NAA16: variants seen among roughly 807,000 people sequenced by gnomAD.
NAA16 encodes the protein NARG1-like protein.
Under a neutral mutation model 110.3 loss-of-function variants are expected in NAA16, and 97 were observed. The ratio of observed to expected loss-of-function variants is 0.88; its 90% confidence interval spans 0.75 to 1.04. The LOEUF (loss-of-function observed/expected upper bound fraction) is 1.04, where lower values mean the gene tolerates loss of function less well. Ranked by LOEUF, NAA16 falls within the 50% of genes least tolerant of loss-of-function variation. The probability of loss-of-function intolerance (pLI) is 0.00; values close to 1 mark genes in which losing one functional copy is unlikely to be tolerated. For synonymous variants in NAA16, 372 were observed against 330.6 expected, an observed-to-expected ratio of 1.13 and a Z score of -1.36; for missense variants, 1,017 against 1,005.1, an observed-to-expected ratio of 1.01 and a Z score of -0.16.
At chr13:41,322,964 C>T in intron 4 of NAA16, 92 bp from the exon 5 acceptor site, 1 of 1,113,334 alleles carries the variant, frequency 9.0e-7, no homozygotes, top group East Asian at 2.4e-5. Flanking sequence ...TGATATAGTT[C>T]ATTAGAAATG....
chr13:41,336,395 T>C (rs1055077637), intron 8 of NAA16, among the ~76,000 whole-genome samples: 1 of 152,144 alleles, frequency 6.6e-6, no homozygotes, highest in Non-Finnish European at 1.5e-5. Flanking sequence ...TGCTGCAGAG[T>C]GCTTTATGCA....
intron 3 of NAA16, among the ~76,000 whole-genome samples, chr13:41,319,644 G>C (rs1438814118): frequency 6.6e-6 from 1 of 152,002 alleles, no homozygotes; most frequent in Non-Finnish European, 1.5e-5. Context: ...AGCCTCCCAG[G>C]TAGCTGGGAC....
chr13:41,312,104 T>C (rs902144288), intron 1 of NAA16, among the ~76,000 whole-genome samples: 3 of 152,330 alleles, frequency 2.0e-5, no homozygotes, highest in Non-Finnish European at 4.4e-5. Flanking sequence ...AACCGGCAAC[T>C]TTAGGAAGCC....
chr13:41,358,694 T>G, intron 11 of NAA16, 116 bp from the exon 12 acceptor site: 1 of 1,445,516 alleles, frequency 6.9e-7, no homozygotes, highest in Non-Finnish European at 9.1e-7. Flanking sequence ...GATTTCTAAA[T>G]AAATTTGACA....
At chr13:41,328,011 T>A (rs2042138483) in intron 6 of NAA16, 1 of 150,766 alleles carries the variant, frequency 6.6e-6, no homozygotes, top group Non-Finnish European at 1.5e-5. Flanking sequence ...TTGAAATAGA[T>A]TGTTTGGGGA....
rs763005875 is a variant in NAA16 at position 41,311,500 on chromosome 13, C to T, written c.-29C>T. 1.4e-5 allele frequency: 22 copies of T among 1,579,170 alleles called. No homozygotes were observed. The highest frequency in any genetic ancestry group is 1.6e-5 in the Non-Finnish European group (19 of 1,163,388). The stretch of plus-strand genomic sequence containing the variant: ...AGCGCCCGGGCACCTAGCCTCCCTG[C>T]CGGCCACCTAGCCTCCCTGCCGGCC... On this transcript the variant is annotated 5_prime_UTR_variant, in exon 1 of 20. Transcript: ENST00000379406.
chr13:41,343,009 A>C (rs2042593271), intron 9 of NAA16, among the ~76,000 whole-genome samples: 1 of 152,224 alleles, frequency 6.6e-6, no homozygotes, highest in South Asian at 2.1e-4. Context: ...AACAGAGGAA[A>C]GATCTTAAAA....
chr13:41,345,061 C>G (rs540402158), intron 9 of NAA16, among the ~76,000 whole-genome samples: 1 of 152,276 alleles, frequency 6.6e-6, no homozygotes, highest in Admixed American at 6.5e-5. Context: ...ACTTCATTCC[C>G]TTTTATGACC....
Position 41,323,049 on chromosome 13 carries a change from T to A in NAA16, c.403-7T>A. On this transcript the variant is annotated splice_region_variant and splice_polypyrimidine_tract_variant and intron_variant, in intron 4 of 19. Coordinates refer to ENST00000379406, the MANE Select transcript of NAA16 (RefSeq NM_024561.5). ...GAATATTTAGCAAGTTAAAACTTTT[T>A]TTTTAGGAGACAAGATACCAGCTTC... is the stretch of plus-strand genomic sequence containing the variant. 1 of 1,612,794 alleles carries A rather than the reference T, an allele frequency of 6.2e-7. No homozygotes were observed. Among genetic ancestry groups the A allele is most frequent in the Non-Finnish European group, 8.5e-7 (1 of 1,179,636 alleles).
intron 9 of NAA16, among the ~76,000 whole-genome samples, chr13:41,353,962 C>T (rs749628590): frequency 1.3e-4 from 20 of 152,102 alleles, no homozygotes; most frequent in Non-Finnish European, 2.5e-4. Context: ...AAAGAATGTA[C>T]CCATTTTCTA....
chr13:41,368,092 TTC>T (rs1342677943), intron 14 of NAA16, among the ~76,000 whole-genome samples: 1 of 152,202 alleles, frequency 6.6e-6, no homozygotes, highest in Non-Finnish European at 1.5e-5. Flanking sequence ...ACTAGTTTTT[TTC>T]TTTCTTTTTT....
chr13:41,359,330 A>G (rs1053624781), intron 12 of NAA16, among the ~76,000 whole-genome samples: 3 of 152,180 alleles, frequency 2.0e-5, no homozygotes, highest in Non-Finnish European at 4.4e-5. Flanking sequence ...TAACTTGCTC[A>G]TAGAGTTCTT....
intron 2 of NAA16, 96 bp from the exon 3 acceptor site, chr13:41,318,710 A>G: frequency 2.0e-6 from 1 of 489,772 alleles, no homozygotes; most frequent in Non-Finnish European, 3.3e-6. Flanking sequence ...TTGGAGCCAT[A>G]GTAATCCTTC....
intron 9 of NAA16, among the ~76,000 whole-genome samples, chr13:41,348,694 G>A (rs4942036): frequency 0.1 from 15,589 of 151,982 alleles, 1,126 homozygotes; most frequent in Admixed American, 0.18. Flanking sequence ...TTTTGGGGGG[G>A]CGGGAAGAGT....
intron 9 of NAA16, among the ~76,000 whole-genome samples, chr13:41,346,770 C>T (rs558366324): frequency 9.2e-5 from 14 of 152,162 alleles, no homozygotes; most frequent in Non-Finnish European, 1.6e-4. Context: ...CCTTTGTTAT[C>T]TTTAAGAATT....
In NAA16 at chr13:41,325,652, C is replaced by T. The variant is rs752648999; in HGVS notation, c.538-46C>T. 5 of 1,360,910 alleles carry T rather than the reference C, an allele frequency of 3.7e-6. No individual in the cohort carries two copies. The South Asian group carries it at 4.2e-5, about 11-fold the overall frequency. The allele number at this position is 1,360,910 out of a possible 1,614,324, so 84.3% of individuals were successfully genotyped here. A position where few individuals can be genotyped will look rare whatever the true frequency, so the allele number is the denominator to read the frequency against. On this transcript the variant is annotated intron_variant, in intron 5 of 19. Transcript: ENST00000379406. ...CAGTTTAATTAAAGGTCTGTAACTG[C>T]TTTATATAATTATACAAATAAAGTA...
chr13:41,312,050 G>C (rs2041615252), intron 1 of NAA16, among the ~76,000 whole-genome samples: 1 of 152,204 alleles, frequency 6.6e-6, no homozygotes, highest in Non-Finnish European at 1.5e-5. Flanking sequence ...TATTAAAGCG[G>C]GATCGATGCG....
rs777680792 is a variant in NAA16, at chr13:41,369,219, G to C, written c.1883G>C (p.Arg628Thr). 1 of 1,596,550 alleles carries C rather than the reference G, an allele frequency of 6.3e-7. No individual in the cohort carries two copies. Among genetic ancestry groups the C allele is most frequent in the South Asian group, 1.2e-5 (1 of 86,250 alleles). Residue 628 changes from arginine (R) to threonine (T), a missense_variant, in exon 15 of 20, where the codon AGA becomes ACA. Transcript: ENST00000379406. ...ERQQKNQKKKRDEEEEEASGL... is the reference protein window; with the variant it reads ...ERQQKNQKKKTDEEEEEASGL... ...CAACAGAAAAATCAAAAGAAAAAAA[G>C]AGATGAAGAAGAAGAAGAAGCCAGT...
intron 9 of NAA16, among the ~76,000 whole-genome samples, chr13:41,338,017 TTGAC>T (rs2042430024): frequency 1.3e-5 from 2 of 152,208 alleles, no homozygotes; most frequent in Admixed American, 6.5e-5. Flanking sequence ...TATGGTCTAT[TTGAC>T]TGCAGTGTTT....
Sources: allele counts gnomAD v4.1 joint callset (sites outside exome capture counted in the v4.1 genomes callset), GRCh38; gene constraint gnomAD v4.1.1; transcripts MANE v1.5; gene names NCBI Gene and HGNC (gene_info 2026-07-23, HGNC 2026-07-21).